Variants in ASH2L observed in about 807,000 individuals in gnomAD.
ASH2L encodes the protein ASH2 like, histone lysine methyltransferase complex subunit.
Under a neutral mutation model 81.1 loss-of-function variants are expected in ASH2L, and 30 were observed. That is an observed-to-expected ratio of 0.37 (90% CI 0.28 to 0.50). The LOEUF (loss-of-function observed/expected upper bound fraction) is 0.50, where lower values mean the gene tolerates loss of function less well. Ranked by LOEUF, ASH2L falls within the 20% of genes least tolerant of loss-of-function variation. The pLI, the probability that ASH2L is intolerant of heterozygous loss-of-function variation, is 0.95. For synonymous variants in ASH2L, 273 were observed against 279.9 expected (o/e 0.98, Z 0.24); for missense variants, 559 against 792.1 (o/e 0.71, Z 3.53).
chr8:38,109,448 T>C (rs1810590642), intron 3 of ASH2L, among the ~76,000 whole-genome samples: 1 of 152,252 alleles, frequency 6.6e-6, no homozygotes. Context: ...ATTTCTTCTC[T>C]TCTAGCTTAA....
chr8:38,120,895 G>A, intron 9 of ASH2L, 37 bp from the exon 10 acceptor site: 1 of 1,569,480 alleles, frequency 6.4e-7, no homozygotes, highest in East Asian at 2.2e-5. Flanking sequence ...GCTAAAGGGG[G>A]TTTTAGTTTT....
chr8:38,114,941 C>T lies in ASH2L; in HGVS notation c.718C>T (p.Pro240Ser). 6.2e-7 allele frequency: 1 copy of T among 1,612,474 alleles called. No individual in the cohort carries two copies. Among genetic ancestry groups the T allele is most frequent in the Non-Finnish European group, 8.5e-7 (1 of 1,178,770 alleles). ...AGATGTATTCTTGGTAAAGGAACAC[C>T]CAGATCCAGGCAGTAAAGATCCAGA... is the stretch of plus-strand genomic sequence containing the variant. ...ERDVFLVKEHPDPGSKDPEED... is the reference protein window; with the variant it reads ...ERDVFLVKEHSDPGSKDPEED... Residue 240 changes from proline to serine, a missense_variant, in exon 7 of 16, where the codon CCA becomes TCA. This residue lies in a region of ASH2L where 318 missense variants were observed against 527.0 expected (regional missense o/e 0.60). Transcript: ENST00000343823.
rs377342903 is a variant in ASH2L at position 38,125,986 on chromosome 8, C to T, written c.1166-2305C>T. 3.2e-4 allele frequency among the ~76,000 whole-genome samples: 49 copies of T among 151,962 alleles called. 1 individual carries two copies. The South Asian group carries it at 5.0e-3, about 16-fold the overall frequency. Reference sequence around the variant, plus strand: ...TGGGAGGCCAAAGTGGGTAGATAACCGGAGGTCAGGAGTTTGATACCAGCC... The same window carrying T: ...TGGGAGGCCAAAGTGGGTAGATAACTGGAGGTCAGGAGTTTGATACCAGCC... On this transcript the variant is annotated intron_variant, in intron 10 of 15. Transcript: ENST00000343823.
At chr8:38,117,276 T>C (rs1006920532) in intron 8 of ASH2L, among the ~76,000 whole-genome samples, 5 of 152,248 alleles carry the variant, frequency 3.3e-5, no homozygotes. Flanking sequence ...ATCTGATATA[T>C]GGGATCATTA....
At chr8:38,132,527 A>C (rs2904755) in intron 12 of ASH2L, among the ~76,000 whole-genome samples, 1 of 151,560 alleles carries the variant, frequency 6.6e-6, no homozygotes, top group Non-Finnish European at 1.5e-5. Context: ...GGCTTGGTGC[A>C]GTGGCTCGTG....
chr8:38,134,193 G>T (rs539890338), intron 13 of ASH2L, among the ~76,000 whole-genome samples: 44 of 152,236 alleles, frequency 2.9e-4, no homozygotes, highest in Admixed American at 7.2e-4. Context: ...GCGGAAGGCC[G>T]CAGGGTCCTC....
intron 10 of ASH2L, among the ~76,000 whole-genome samples, chr8:38,126,936 G>GA (rs1801872916): frequency 2.6e-5 from 4 of 152,078 alleles, no homozygotes. Flanking sequence ...AGAACTTTGG[G>GA]AGGCCAAGGA....
In ASH2L at chr8:38,116,656, A is replaced by G. The variant is rs762074813; in HGVS notation, c.784A>G (p.Ser262Gly). 3.1e-6 allele frequency: 5 copies of G among 1,611,484 alleles called. No homozygotes were observed. The highest frequency in any genetic ancestry group is 4.5e-5 in the East Asian group (2 of 44,854). The stretch of plus-strand genomic sequence containing the variant: ...ATTGGATGTATTTTTGCAGGACCTT[A>G]GTAACATTGGTCCTGCTTATGACAA... ...PKFGLLDQDL[S>G]NIGPAYDNQK... Residue 262 changes from serine to glycine, a missense_variant, in exon 8 of 16, where the codon AGT (serine) becomes GGT (glycine). Physicochemically the swap from Ser to Gly is moderately conservative, Grantham distance 56. Around this residue, in one of 4 missense-constraint regions of ASH2L, gnomAD observed 318 missense variants for 527.0 expected, o/e 0.60. Coordinates refer to ENST00000343823, the MANE Select transcript of ASH2L (RefSeq NM_004674.5).
chr8:38,120,977 A>T lies in ASH2L; in HGVS notation c.993A>T (p.Pro331=). ...SAQRLPPHGY[P]LEHPFNKDGY... The stretch of plus-strand genomic sequence containing the variant: ...AGCGCCTTCCCCCTCATGGCTACCC[A>T]TTGGAACACCCGTTTAACAAAGATG... Residue 331 remains proline, a synonymous_variant, in exon 10 of 16, where the codon CCA becomes CCT. Coordinates refer to ENST00000343823, the MANE Select transcript of ASH2L (RefSeq NM_004674.5). 1 of 1,612,980 alleles carries T rather than the reference A, an allele frequency of 6.2e-7. No individual in the cohort carries two copies. The highest frequency in any genetic ancestry group is 8.5e-7 in the Non-Finnish European group (1 of 1,179,660).
chr8:38,105,593 G>C lies in ASH2L; in HGVS notation c.43G>C (p.Gly15Arg), dbSNP rs2130456252. Residue 15 changes from glycine (G) to arginine (R), a missense_variant, in exon 1 of 16, where the codon GGG becomes CGG. Physicochemically the swap from Gly to Arg is moderately radical, Grantham distance 125 (BLOSUM62 -2). Transcript: ENST00000343823. ...GAGPGQEAGA[G>R]PGPGAVANAT... is the part of the protein sequence containing the mutation. ...AGGACCTGGCCAGGAAGCGGGTGCC[G>C]GGCCTGGCCCAGGAGCGGTCGCAAA... 6.3e-7 allele frequency: 1 copy of C among 1,595,576 alleles called. No individual in the cohort carries two copies.
At position 38,135,743 on chromosome 8, in the gene ASH2L, A is replaced by T; in HGVS notation, c.1696A>T (p.Ile566Phe). The change falls in exon 14 of 16, where the codon ATC (isoleucine) becomes TTC (phenylalanine). Residue 566 changes from isoleucine (I) to phenylalanine (F), a missense_variant. This residue lies in a region of ASH2L where 95 missense variants were observed against 130.7 expected (regional missense o/e 0.73). Coordinates refer to ENST00000343823, the MANE Select transcript of ASH2L (RefSeq NM_004674.5). Reference protein sequence around the residue: ...DIFEGVYFPAISLYKSCTVSI... With the variant: ...DIFEGVYFPAFSLYKSCTVSI... ...TTTTGAGGGGGTTTACTTCCCAGCC[A>T]TCTCACTGTACAAGAGCTGCACGGT... The T allele has an allele frequency of 6.2e-7, 1 of 1,613,192 alleles. No individual in the cohort carries two copies. Among genetic ancestry groups the T allele is most frequent in the Non-Finnish European group, 8.5e-7 (1 of 1,179,514 alleles).
intron 2 of ASH2L, 62 bp downstream of exon 2, chr8:38,106,506 C>CTTTTTTTTT (rs112972804): frequency 1.0e-6 from 1 of 966,532 alleles, no homozygotes; most frequent in Non-Finnish European, 1.5e-6. Context: ...TCTTCTTCTT[C>CTTTTTTTTT]TTTTTTTTTT....
chr8:38,106,904 C>A (rs1810458316), intron 2 of ASH2L, 117 bp from the exon 3 acceptor site: 1 of 1,259,890 alleles, frequency 7.9e-7, no homozygotes, highest in Non-Finnish European at 1.1e-6. Flanking sequence ...GCTGAGACCT[C>A]AGGATCACTT....
At chr8:38,136,983 T>C (rs1434460109) in intron 14 of ASH2L, among the ~76,000 whole-genome samples, 2 of 145,362 alleles carry the variant, frequency 1.4e-5, no homozygotes, top group African/African-American at 5.1e-5. Flanking sequence ...ATCCCAGCTG[T>C]GGGGGAGGCT....
rs1285612277 is a variant in ASH2L at position 38,124,206 on chromosome 8, T to TTTA, written c.1165+3060_1165+3062dup. 3 of 152,220 alleles carry TTTA rather than the reference T, an allele frequency of 2.0e-5. No individual in the cohort carries two copies. In the East Asian group the frequency reaches 5.8e-4, roughly 29 times the overall value. The allele number at this position is 152,220 out of a possible 1,614,324, so 9.4% of individuals were successfully genotyped here. The stretch of plus-strand genomic sequence containing the variant: ...TATAGTCTTTGCTCCATGCAATTAT[T>TTTA]TTATTTTATTTTTTTTTTTAGAAAG... On this transcript the variant is annotated intron_variant, in intron 10 of 15. Transcript: ENST00000343823.
intron 8 of ASH2L, 29 bp from the exon 9 acceptor site, chr8:38,119,241 A>G (rs1319404484): frequency 1.3e-6 from 2 of 1,546,236 alleles, no homozygotes; most frequent in African/African-American, 1.4e-5. Flanking sequence ...CTTGTGGCTC[A>G]TTGAAAGCAA....
chr8:38,116,506 C>T, intron 7 of ASH2L, 144 bp from the exon 8 acceptor site: 2 of 668,216 alleles, frequency 3.0e-6, no homozygotes, highest in Non-Finnish European at 5.2e-6. Flanking sequence ...GTACTACAGA[C>T]TGGGCAATAG....
intron 8 of ASH2L, chr8:38,117,894 C>T (rs1465391208): frequency 6.6e-6 from 1 of 152,108 alleles, no homozygotes; most frequent in African/African-American, 2.4e-5. Flanking sequence ...CCCATCTCTA[C>T]TAAAAATACA....
intron 3 of ASH2L, among the ~76,000 whole-genome samples, chr8:38,107,866 ATATGTGTGTGTGTG>A (rs1159713079): frequency 3.3e-4 from 35 of 105,998 alleles, no homozygotes; most frequent in African/African-American, 1.3e-3. Flanking sequence ...AGAAATACAT[ATATGTGTGTGTGTG>A]TGTGTGTGTG....
Sources: gnomAD v4.1 joint callset for allele counts (sites outside exome capture counted in the v4.1 genomes callset) on GRCh38, gnomAD v4.1.1 for gene constraint, gnomAD v4.1.1 regional missense constraint, MANE v1.5 for transcripts, NCBI Gene and HGNC (gene_info 2026-07-23, HGNC 2026-07-21) for gene names.